NYAP2: variants seen among roughly 807,000 people sequenced by gnomAD.
NYAP2 encodes neuronal tyrosine-phosphorylated phosphoinositide-3-kinase adapter 2.
Under a neutral mutation model 50.4 loss-of-function variants are expected in NYAP2, and 23 were observed. The ratio of observed to expected loss-of-function variants is 0.46; its 90% CI spans 0.33 to 0.65. The LOEUF is 0.65. Ranked by LOEUF, NYAP2 falls within the 30% of genes least tolerant of loss-of-function variation. NYAP2 has a pLI of 0.02. For missense variants in NYAP2, 885 were observed against 861.0 expected, an observed-to-expected ratio of 1.03 and a Z score of -0.35; for synonymous variants, 394 against 365.2, an observed-to-expected ratio of 1.08 and a Z score of -0.90.
the NYAP2 span, among the ~76,000 whole-genome samples, chr2:225,671,284 C>A: frequency 5.3e-5 from 8 of 152,088 alleles, no homozygotes; most frequent in Admixed American, 5.2e-4. Context: ...ACTGCTTTAT[C>A]AACTAAGCTT....
the NYAP2 span, among the ~76,000 whole-genome samples, chr2:225,682,713 T>C: frequency 6.6e-6 from 1 of 152,176 alleles, no homozygotes; most frequent in East Asian, 1.9e-4. Context: ...GTAGCAGGCA[T>C]GCTTCATCTT....
chr2:225,659,883 C>A, the NYAP2 span, among the ~76,000 whole-genome samples: 2 of 152,108 alleles, frequency 1.3e-5, no homozygotes, highest in African/African-American at 4.8e-5. Context: ...TTTCTGCTTG[C>A]TGGAAAATTC....
rs112456715 is a variant in NYAP2 at position 225,408,037 on chromosome 2, C to T, written c.-17-827C>T. The stretch of plus-strand genomic sequence containing the variant: ...CATCAGCAGGAGGTAGGAGTTATTA[C>T]TAGCATCATTTTACAGTTGAGAGTA... On this transcript the variant is annotated intron_variant, in intron 2 of 6. Transcript: ENST00000636099. 3.0e-3 allele frequency among the ~76,000 whole-genome samples: 459 copies of T among 152,082 alleles called. 3 individuals carry two copies. Among genetic ancestry groups the T allele is most frequent in the African/African-American group, 9.9e-3 (410 of 41,538 alleles).
At chr2:225,465,295 G>T (rs1363985129) in intron 3 of NYAP2, among the ~76,000 whole-genome samples, 2 of 151,996 alleles carry the variant, frequency 1.3e-5, no homozygotes, top group Admixed American at 1.3e-4. Context: ...CCCTCCTGCA[G>T]ATATGCCCAT....
At chr2:225,615,793 T>C (rs1692978749) in intron 5 of NYAP2, among the ~76,000 whole-genome samples, 1 of 152,214 alleles carries the variant, frequency 6.6e-6, no homozygotes, top group Non-Finnish European at 1.5e-5. Context: ...CCCAGGCAAG[T>C]GCTGGGGCCT....
the NYAP2 span, chr2:225,699,880 G>A: frequency 6.6e-6 from 1 of 151,734 alleles, no homozygotes; most frequent in South Asian, 2.1e-4. Context: ...TGCCACGAAT[G>A]AATAAAAAAG....
At chr2:225,631,497 G>A (rs184986243) in intron 6 of NYAP2, among the ~76,000 whole-genome samples, 1 of 152,162 alleles carries the variant, frequency 6.6e-6, no homozygotes, top group African/African-American at 2.4e-5. Context: ...TAATGAGATG[G>A]TTGTATTCAT....
intron 3 of NYAP2, among the ~76,000 whole-genome samples, chr2:225,425,699 A>C (rs1695277241): frequency 6.6e-6 from 1 of 152,238 alleles, no homozygotes; most frequent in South Asian, 2.1e-4. Flanking sequence ...TTGTGCAGAG[A>C]ATAATCGAAG....
intron 3 of NYAP2, among the ~76,000 whole-genome samples, chr2:225,511,327 A>AACACACACAC (rs571887973): frequency 3.2e-4 from 41 of 129,916 alleles, no homozygotes; most frequent in South Asian, 1.4e-3. Flanking sequence ...CGTTCTTTAA[A>AACACACACAC]ACACACACAC....
intron 3 of NYAP2, among the ~76,000 whole-genome samples, chr2:225,435,212 C>G (rs1472725156): frequency 6.6e-6 from 1 of 151,998 alleles, no homozygotes; most frequent in Non-Finnish European, 1.5e-5. Context: ...ATCAAATAAG[C>G]ATAGAAAGTA....
At chr2:225,645,894 G>GT (rs60230401) in intron 6 of NYAP2, among the ~76,000 whole-genome samples, 86,670 of 151,800 alleles carry the variant, frequency 0.57, 24,911 homozygotes, top group Admixed American at 0.68. Context: ...GCATTTAGAT[G>GT]CACAGATCCT....
intron 3 of NYAP2, among the ~76,000 whole-genome samples, chr2:225,503,896 G>A (rs1690653461): frequency 6.6e-6 from 1 of 151,764 alleles, no homozygotes; most frequent in Non-Finnish European, 1.5e-5. Context: ...TTACTGTCTG[G>A]ATTTGGAAGT....
the NYAP2 span, among the ~76,000 whole-genome samples, chr2:225,683,475 ATTCT>A: frequency 6.6e-6 from 1 of 152,240 alleles, no homozygotes; most frequent in African/African-American, 2.4e-5. Context: ...TTAATAAAAA[ATTCT>A]TTCCAGTTAT....
At chr2:225,470,582 A>G (rs778781832) in intron 3 of NYAP2, among the ~76,000 whole-genome samples, 5 of 152,184 alleles carry the variant, frequency 3.3e-5, no homozygotes, top group Non-Finnish European at 5.9e-5. Context: ...TAAAAACATC[A>G]TAGGGGGAAT....
chr2:225,424,017 A>G (rs1192983453), intron 3 of NYAP2, among the ~76,000 whole-genome samples: 1 of 152,150 alleles, frequency 6.6e-6, no homozygotes, highest in South Asian at 2.1e-4. Flanking sequence ...AGTCCCTAAG[A>G]TACCTGATGA....
exon 7 of NYAP2, chr2:225,653,593 C>G (rs1194701755): frequency 6.6e-6 from 1 of 152,246 alleles, no homozygotes. Context: ...AGGCTGGCCT[C>G]TAGGCTTCTC....
chr2:225,435,846 C>T (rs1194504508), intron 3 of NYAP2, among the ~76,000 whole-genome samples: 3 of 152,044 alleles, frequency 2.0e-5, no homozygotes, highest in Non-Finnish European at 4.4e-5. Flanking sequence ...GAACTTGGGC[C>T]CTGGAAACAG....
At chr2:225,699,689 CTG>C in the NYAP2 span, 1 of 151,800 alleles carries the variant, frequency 6.6e-6, no homozygotes, top group Non-Finnish European at 1.5e-5. Context: ...CCCATTCTTA[CTG>C]ATTATGACAC....
intron 5 of NYAP2, among the ~76,000 whole-genome samples, chr2:225,619,977 G>A (rs1693061101): frequency 6.6e-6 from 1 of 152,186 alleles, no homozygotes; most frequent in Non-Finnish European, 1.5e-5. Flanking sequence ...TTCATTCACT[G>A]AATAGAGGAT....
Sources: gnomAD v4.1 joint callset for allele counts (sites outside exome capture counted in the v4.1 genomes callset) on GRCh38, gnomAD v4.1.1 for gene constraint, MANE v1.5 for transcripts, NCBI Gene and HGNC (gene_info 2026-07-23, HGNC 2026-07-21) for gene names.